Variants in INPP5A observed in about 807,000 individuals in gnomAD.
The protein encoded by INPP5A is 43 kDa inositol polyphosphate 5-phophatase.
INPP5A carries 14 observed loss-of-function variants against 65.2 expected under a neutral mutation model. The observed-to-expected ratio is 0.21, with a 90% CI of 0.14 to 0.34. INPP5A has a LOEUF of 0.34. INPP5A is among the 10% of genes least tolerant of loss of function. The pLI is 1.00. For missense variants in INPP5A, 431 were observed against 545.6 expected, an observed-to-expected ratio of 0.79 and a Z score of 2.09; for synonymous variants, 207 against 208.3, an observed-to-expected ratio of 0.99 and a Z score of 0.05.
At position 132,650,868 on chromosome 10, in the gene INPP5A, A is replaced by G. The variant is rs1032861568; in HGVS notation, c.306+363A>G. On this transcript the variant is annotated intron_variant, in intron 4 of 15. Coordinates refer to ENST00000368594, the MANE Select transcript of INPP5A (RefSeq NM_005539.5). The surrounding 1 kb of genome is among the most constrained non-coding windows in gnomAD (Gnocchi z 5.5). ...TTGGACAGCAGCCGGTATTGCTTCA[A>G]GAGCCACCGTCGCCAGCCCTGCTCC... 5.3e-5 allele frequency among the ~76,000 whole-genome samples: 8 copies of G among 152,164 alleles called. No individual in the cohort carries two copies. The highest frequency in any genetic ancestry group is 2.6e-4 in the Admixed American group (4 of 15,288).
rs543791334 is a variant in INPP5A, at chr10:132,740,408, A to G, written c.733-9109A>G. 1.1e-4 allele frequency among the ~76,000 whole-genome samples: 17 copies of G among 152,168 alleles called. No homozygotes were observed. In the South Asian group the frequency reaches 3.1e-3, roughly 28 times the overall value. On this transcript the variant is annotated intron_variant, in intron 9 of 15. Coordinates refer to ENST00000368594, the MANE Select transcript of INPP5A (RefSeq NM_005539.5). ...ATTCTCCTTTCACAGCGAAAGCATT[A>G]CGTTGGTGTAGTGGCGCGGCATCCG...
chr10:132,653,060 T>C (rs966424961), intron 4 of INPP5A, among the ~76,000 whole-genome samples: 1 of 152,134 alleles, frequency 6.6e-6, no homozygotes, highest in African/African-American at 2.4e-5. Context: ...GCCAGAGCAG[T>C]GGTGGACGCA....
At position 132,780,857 on chromosome 10, in the gene INPP5A, CGAG is replaced by C. The variant is rs1847148822; in HGVS notation, c.1102_1104del (p.Glu368del). On this transcript the variant is annotated inframe_deletion, in exon 14 of 16. Transcript: ENST00000368594. ...CTGTTTCCCCTTTCCAGTCGGAGAG[CGAG>C]GAGAAGGTTGTCACCTATGACCACA... is the stretch of plus-strand genomic sequence containing the variant. 6.2e-7 allele frequency: 1 copy of C among 1,613,070 alleles called. No homozygotes were observed. Among genetic ancestry groups the C allele is most frequent in the Non-Finnish European group, 8.5e-7 (1 of 1,179,734 alleles).
At chr10:132,764,653 G>GA (rs901720564) in intron 11 of INPP5A, among the ~76,000 whole-genome samples, 1 of 146,588 alleles carries the variant, frequency 6.8e-6, no homozygotes, top group Non-Finnish European at 1.5e-5. Flanking sequence ...GCAGGGGTGG[G>GA]AGGGTGTGCG....
chr10:132,589,988 G>A (rs1259098991), intron 1 of INPP5A, among the ~76,000 whole-genome samples: 4 of 152,376 alleles, frequency 2.6e-5, no homozygotes, highest in South Asian at 2.1e-4. Context: ...GCCAGGCCTC[G>A]GGGAGCCCCT....
intron 1 of INPP5A, among the ~76,000 whole-genome samples, chr10:132,582,779 A>T (rs890257507): frequency 6.6e-6 from 1 of 152,184 alleles, no homozygotes; most frequent in Non-Finnish European, 1.5e-5. Flanking sequence ...TTATTTCTGG[A>T]TTCGCTATTC....
chr10:132,670,255 C>A (rs1196930033), intron 4 of INPP5A, among the ~76,000 whole-genome samples: 6 of 100,720 alleles, frequency 6.0e-5, no homozygotes, highest in Non-Finnish European at 1.0e-4. Context: ...CACCCCCTGA[C>A]CCCACACCCC....
At position 132,675,737 on chromosome 10, in the gene INPP5A, A is replaced by G. The variant is rs539739874; in HGVS notation, c.307-14655A>G. Among the ~76,000 whole-genome samples the G allele has an allele frequency of 6.6e-6, 1 of 152,316 alleles. No individual in the cohort carries two copies. Among genetic ancestry groups the G allele is most frequent in the South Asian group, 2.1e-4 (1 of 4,830 alleles). Reference sequence around the variant, plus strand: ...AACTAAGGTAAATTATTTGAAACAGAAGTAGATGGCAATTTCCTAATATAA... The same window carrying G: ...AACTAAGGTAAATTATTTGAAACAGGAGTAGATGGCAATTTCCTAATATAA... On this transcript the variant is annotated intron_variant, in intron 4 of 15. Coordinates refer to ENST00000368594, the MANE Select transcript of INPP5A (RefSeq NM_005539.5). This position sits in a 1 kb window ranked among gnomAD's most constrained non-coding sequence, Gnocchi z 4.2.
At chr10:132,696,961 C>T (rs1172055531) in intron 5 of INPP5A, among the ~76,000 whole-genome samples, 1 of 152,228 alleles carries the variant, frequency 6.6e-6, no homozygotes, top group Non-Finnish European at 1.5e-5. Flanking sequence ...CTCTGTTCCT[C>T]CTGCCATAGT....
intron 4 of INPP5A, among the ~76,000 whole-genome samples, chr10:132,672,470 T>G (rs1308710881): frequency 2.0e-5 from 3 of 152,188 alleles, no homozygotes; most frequent in Admixed American, 6.5e-5. Context: ...TGGGTGGGTC[T>G]CATGAGATCT....
In INPP5A at chr10:132,688,731, AATGTGTGCAAGT is replaced by A. The variant is rs1845194984; in HGVS notation, c.307-1660_307-1649del. Among the ~76,000 whole-genome samples, 6 of 149,770 alleles carry A rather than the reference AATGTGTGCAAGT, an allele frequency of 4.0e-5. No homozygotes were observed. The South Asian group carries it at 1.3e-3, about 32-fold the overall frequency. On this transcript the variant is annotated intron_variant, in intron 4 of 15. Transcript: ENST00000368594. ...TGTGAACAAGTGCATTGTGTGCATG[AATGTGTGCAAGT>A]GTGTGAGCAAGTGCATGTGAGTGCA...
At chr10:132,648,752 C>T (rs1454354828) in intron 3 of INPP5A, among the ~76,000 whole-genome samples, 1 of 152,156 alleles carries the variant, frequency 6.6e-6, no homozygotes, top group Non-Finnish European at 1.5e-5. Context: ...ATTGTTCTCT[C>T]TTAATTTTCT....
chr10:132,631,104 G>A (rs1484340840), intron 2 of INPP5A, among the ~76,000 whole-genome samples: 1 of 152,190 alleles, frequency 6.6e-6, no homozygotes, highest in African/African-American at 2.4e-5. Context: ...CCCACGCAGG[G>A]CCAAGGAAAG....
chr10:132,579,653 A>C (rs889331409), intron 1 of INPP5A, among the ~76,000 whole-genome samples: 12 of 152,104 alleles, frequency 7.9e-5, no homozygotes, highest in African/African-American at 2.7e-4. Flanking sequence ...TTCCCCGGCC[A>C]TCCTGCCCTG....
intron 8 of INPP5A, among the ~76,000 whole-genome samples, chr10:132,719,677 G>A (rs1401716251): frequency 2.0e-5 from 3 of 148,826 alleles, no homozygotes; most frequent in Non-Finnish European, 4.5e-5. Flanking sequence ...CACCTTAGAC[G>A]GCTGTCTTGC....
chr10:132,647,664 C>G (rs557735499), intron 3 of INPP5A, among the ~76,000 whole-genome samples: 3 of 152,034 alleles, frequency 2.0e-5, no homozygotes, highest in African/African-American at 7.2e-5. Flanking sequence ...GAGTGGAGAG[C>G]GGAGTCGAGG....
chr10:132,653,214 A>G (rs2072602566), intron 4 of INPP5A, among the ~76,000 whole-genome samples: 1 of 152,188 alleles, frequency 6.6e-6, no homozygotes, highest in Admixed American at 6.5e-5. Context: ...GTTTCCACCA[A>G]AACGTTTTTC....
rs115358794 is a variant in INPP5A at position 132,653,804 on chromosome 10, C to A, written c.306+3299C>A. 7.7e-3 allele frequency among the ~76,000 whole-genome samples: 1,180 copies of A among 152,356 alleles called. 15 individuals are homozygous for A. Among genetic ancestry groups the A allele is most frequent in the African/African-American group, 0.027 (1,131 of 41,586 alleles). On this transcript the variant is annotated intron_variant, in intron 4 of 15. Coordinates refer to ENST00000368594, the MANE Select transcript of INPP5A (RefSeq NM_005539.5). ...AAAATAGTCTGCACCCGCTGCAGAT[C>A]GTACGGCAGCCTTCAGCGCGGGGAG...
intron 9 of INPP5A, among the ~76,000 whole-genome samples, chr10:132,746,087 C>T (rs1197080211): frequency 6.6e-6 from 1 of 152,102 alleles, no homozygotes; most frequent in Non-Finnish European, 1.5e-5. Context: ...TCTTCGGAGC[C>T]CTGAGTGGGC....
Sources: gnomAD v4.1 joint callset for allele counts (sites outside exome capture counted in the v4.1 genomes callset) on GRCh38, gnomAD v4.1.1 for gene constraint, Gnocchi (gnomAD v3.1) non-coding constraint, MANE v1.5 for transcripts, NCBI Gene and HGNC (gene_info 2026-07-23, HGNC 2026-07-21) for gene names.